RBFOX1: variants seen among roughly 807,000 people sequenced by gnomAD.
RBFOX1 encodes the protein RNA binding protein fox-1 homolog 1.
In RBFOX1, 8 loss-of-function variants were observed where a neutral mutation model predicts 57.7. The observed-to-expected ratio is 0.14, with a 90% CI of 0.08 to 0.25. RBFOX1 has a LOEUF of 0.25. Ranked by LOEUF, RBFOX1 falls within the 10% of genes least tolerant of loss-of-function variation. The pLI is 1.00. For synonymous variants in RBFOX1, 326 were observed against 222.4 expected (o/e 1.47, Z -4.15); for missense variants, 611 against 548.5 (o/e 1.11, Z -1.14).
intron 2 of RBFOX1, among the ~76,000 whole-genome samples, chr16:6,612,068 A>G (rs187006692): frequency 1.1e-4 from 16 of 152,302 alleles, no homozygotes; most frequent in African/African-American, 3.8e-4. Flanking sequence ...TTATTCTAAT[A>G]TATTTACGTC....
At chr16:7,452,854 C>T (rs1298384199) in intron 4 of RBFOX1, among the ~76,000 whole-genome samples, 1 of 152,088 alleles carries the variant, frequency 6.6e-6, no homozygotes, top group East Asian at 1.9e-4. Flanking sequence ...TGAGGCCAGG[C>T]ACAGTGGCTC....
intron 3 of RBFOX1, among the ~76,000 whole-genome samples, chr16:6,937,107 T>TA (rs778233289): frequency 7.2e-5 from 11 of 151,742 alleles, no homozygotes. Context: ...AAAAAATAAA[T>TA]AAAAAAAGAT....
intron 3 of RBFOX1, among the ~76,000 whole-genome samples, chr16:5,674,762 G>A (rs751096614): frequency 2.6e-5 from 4 of 152,182 alleles, no homozygotes; most frequent in Admixed American, 6.5e-5. Context: ...CTTCAGATGA[G>A]CCACTTTTCC....
chr16:5,418,625 C>G (rs954180339), intron 1 of RBFOX1, among the ~76,000 whole-genome samples: 2 of 152,036 alleles, frequency 1.3e-5, no homozygotes, highest in Non-Finnish European at 2.9e-5. Context: ...GACTTCCTAA[C>G]CACCCCGCCA....
chr16:6,940,344 C>A (rs1379611527), intron 3 of RBFOX1, among the ~76,000 whole-genome samples: 1 of 152,168 alleles, frequency 6.6e-6, no homozygotes, highest in Non-Finnish European at 1.5e-5. Context: ...TGCTTAAAAG[C>A]AAAAGCTCAA....
intron 4 of RBFOX1, among the ~76,000 whole-genome samples, chr16:7,341,152 A>G (rs896224871): frequency 6.6e-6 from 1 of 152,056 alleles, no homozygotes; most frequent in East Asian, 1.9e-4. Context: ...TAGACCTCTC[A>G]CACACACATC....
At chr16:6,686,716 C>T (rs1169469889) in intron 3 of RBFOX1, among the ~76,000 whole-genome samples, 1 of 152,078 alleles carries the variant, frequency 6.6e-6, no homozygotes, top group Non-Finnish European at 1.5e-5. Context: ...TGAGACTAAC[C>T]TTCCCATTAT....
chr16:5,623,675 T>A (rs747976471), intron 3 of RBFOX1, among the ~76,000 whole-genome samples: 18 of 152,076 alleles, frequency 1.2e-4, no homozygotes, highest in Non-Finnish European at 2.4e-4. Flanking sequence ...CTCTCTCTCT[T>A]CTCCCTACCT....
rs1050110072 is a variant in RBFOX1 at position 5,363,732 on chromosome 16, G to T, written c.220-103484G>T. Among the ~76,000 whole-genome samples, 9 of 152,124 alleles carry T rather than the reference G, an allele frequency of 5.9e-5. No homozygotes were observed. In the South Asian group the frequency reaches 6.2e-4, roughly 10 times the overall value. ...CTACACCCCCAAGTCAGTGTCCTTGGGTTGGGGACTACGTGTCTGTCTTAT... is the reference window on the plus strand; with the variant it reads ...CTACACCCCCAAGTCAGTGTCCTTGTGTTGGGGACTACGTGTCTGTCTTAT... On this transcript the variant is annotated intron_variant, in intron 1 of 2. Transcript: ENST00000585867.
chr16:6,702,798 C>A (rs892990167), intron 3 of RBFOX1, among the ~76,000 whole-genome samples: 2 of 152,162 alleles, frequency 1.3e-5, no homozygotes, highest in Non-Finnish European at 2.9e-5. Context: ...CCACCTTAGC[C>A]ATTTTAAATG....
At chr16:7,694,312 T>A (rs370921338) in intron 14 of RBFOX1, among the ~76,000 whole-genome samples, 2 of 152,188 alleles carry the variant, frequency 1.3e-5, no homozygotes, top group Non-Finnish European at 2.9e-5. Context: ...TCTGTTACCT[T>A]TTATCAATGC....
At chr16:6,968,595 G>A (rs1033289083) in intron 3 of RBFOX1, among the ~76,000 whole-genome samples, 1 of 151,968 alleles carries the variant, frequency 6.6e-6, no homozygotes, top group Non-Finnish European at 1.5e-5. Context: ...GTAGATGATG[G>A]ATTCCTCCCA....
chr16:5,561,169 C>T (rs547421879), intron 2 of RBFOX1, among the ~76,000 whole-genome samples: 4 of 152,232 alleles, frequency 2.6e-5, no homozygotes, highest in South Asian at 2.1e-4. Flanking sequence ...TGGCTTGCTG[C>T]CTGATCCTTC....
At chr16:7,504,348 T>A (rs1396429129) in intron 4 of RBFOX1, among the ~76,000 whole-genome samples, 1 of 152,084 alleles carries the variant, frequency 6.6e-6, no homozygotes, top group African/African-American at 2.4e-5. Context: ...TAAGTAACAC[T>A]ATCATCATTA....
chr16:5,852,914 G>A (rs1414100399), intron 3 of RBFOX1, among the ~76,000 whole-genome samples: 3 of 152,146 alleles, frequency 2.0e-5, no homozygotes, highest in Non-Finnish European at 4.4e-5. Flanking sequence ...GCAAGACATT[G>A]CACTACTGCC....
chr16:7,230,690 A>G (rs1470381221), intron 4 of RBFOX1, among the ~76,000 whole-genome samples: 1 of 152,204 alleles, frequency 6.6e-6, no homozygotes, highest in African/African-American at 2.4e-5. Flanking sequence ...AGAAGGGGAG[A>G]GCCACTTGGA....
At chr16:7,163,792 G>A (rs2078882002) in intron 4 of RBFOX1, among the ~76,000 whole-genome samples, 1 of 152,040 alleles carries the variant, frequency 6.6e-6, no homozygotes, top group African/African-American at 2.4e-5. Flanking sequence ...AAGTAGCTGG[G>A]ACTGTAGGCG....
At chr16:5,680,895 G>C (rs531712710) in intron 3 of RBFOX1, among the ~76,000 whole-genome samples, 24 of 87,378 alleles carry the variant, frequency 2.7e-4, no homozygotes, top group Middle Eastern at 0.011. Context: ...GCTTGTATTT[G>C]TGTGTGTGTG....
At chr16:5,885,650 C>G (rs182184038) in intron 4 of RBFOX1, among the ~76,000 whole-genome samples, 1 of 152,276 alleles carries the variant, frequency 6.6e-6, no homozygotes, top group African/African-American at 2.4e-5. Context: ...TTCAGAATTT[C>G]CGCTATGCTA....
Sources: allele counts gnomAD v4.1 joint callset (sites outside exome capture counted in the v4.1 genomes callset), GRCh38; gene constraint gnomAD v4.1.1; transcripts MANE v1.5; gene names NCBI Gene and HGNC (gene_info 2026-07-23, HGNC 2026-07-21).